The following MAD2L1 variants were observed in gnomAD, a reference collection of about 807,000 sequenced individuals.
MAD2L1 encodes the protein mitotic spindle assembly checkpoint protein MAD2A.
A neutral mutation model predicts 25.9 loss-of-function variants in MAD2L1; 10 were observed. That is an observed-to-expected ratio of 0.39 (90% CI 0.24 to 0.66). The LOEUF (loss-of-function observed/expected upper bound fraction) is 0.66, where lower values mean the gene tolerates loss of function less well. Among genes scored for constraint, MAD2L1 ranks in the 30% least tolerant of loss-of-function variants. The probability of loss-of-function intolerance (pLI) is 0.49; values close to 1 mark genes in which losing one functional copy is unlikely to be tolerated. For missense variants in MAD2L1, 180 were observed against 246.4 expected (o/e 0.73, Z 1.80); for synonymous variants, 81 against 91.8 (o/e 0.88, Z 0.67).
rs1002210171 is a variant in MAD2L1 at position 120,059,920 on chromosome 4, C to T, written c.*198G>A. 3 of 426,692 alleles carry T rather than the reference C, an allele frequency of 7.0e-6. No homozygotes were observed. The highest frequency in any genetic ancestry group is 7.6e-5 in the Admixed American group (2 of 26,236). 26.4% of individuals were successfully genotyped at this position (426,692 alleles called of 1,614,324 possible). A position where few individuals can be genotyped will look rare whatever the true frequency, so the allele number is the denominator to read the frequency against. ...CCTTTTGAACAATGTGCAATAAATTCATGATGTTAACTCCATGGTAAGTCA... is the reference window on the plus strand; with the variant it reads ...CCTTTTGAACAATGTGCAATAAATTTATGATGTTAACTCCATGGTAAGTCA... On this transcript the variant is annotated 3_prime_UTR_variant, in exon 5 of 5. Transcript: ENST00000296509.
intron 2 of MAD2L1, among the ~76,000 whole-genome samples, chr4:120,064,842 G>A (rs1726287348): frequency 6.6e-6 from 1 of 151,564 alleles, no homozygotes; most frequent in South Asian, 2.1e-4. Context: ...CGGTAAAAAA[G>A]ACACATTTCT....
intron 2 of MAD2L1, among the ~76,000 whole-genome samples, chr4:120,064,265 C>G (rs938896801): frequency 1.3e-5 from 2 of 152,124 alleles, no homozygotes; most frequent in Non-Finnish European, 2.9e-5. Flanking sequence ...TTATTCCTGA[C>G]CCCCAATTTT....
rs562259169 is a variant in MAD2L1, at chr4:120,058,603, T to G, written c.*1515A>C. ...TGAGCTGCGTCACTGTACTCCAGCC[T>G]GGGCGACAGAATAAGACTCCATCTT... On this transcript the variant is annotated 3_prime_UTR_variant, in exon 5 of 5. Coordinates refer to ENST00000296509, the MANE Select transcript of MAD2L1 (RefSeq NM_002358.4). 1.6e-5 allele frequency: 2 copies of G among 127,620 alleles called. No individual in the cohort carries two copies. The highest frequency in any genetic ancestry group is 3.5e-5 in the Non-Finnish European group (2 of 56,454). The allele number at this position is 127,620 out of a possible 1,614,324, so 7.9% of individuals were successfully genotyped here.
intron 2 of MAD2L1, among the ~76,000 whole-genome samples, chr4:120,064,156 G>T (rs1726274066): frequency 6.6e-6 from 1 of 152,188 alleles, no homozygotes; most frequent in South Asian, 2.1e-4. Context: ...GGCAATGCTT[G>T]CTTCTCCAGC....
intron 1 of MAD2L1, 52 bp downstream of exon 1, chr4:120,066,610 G>T: frequency 6.6e-7 from 1 of 1,518,782 alleles, no homozygotes; most frequent in Non-Finnish European, 9.1e-7. Flanking sequence ...TGGGCCTACT[G>T]AGCCGTCACG....
chr4:120,059,938 G>T lies in MAD2L1; in HGVS notation c.*180C>A. On this transcript the variant is annotated 3_prime_UTR_variant, in exon 5 of 5. Coordinates refer to ENST00000296509, the MANE Select transcript of MAD2L1 (RefSeq NM_002358.4). Reference sequence around the variant, plus strand: ...ATAAATTCATGATGTTAACTCCATGGTAAGTCAAATAGGTACCAAAAAAAT... The same window carrying T: ...ATAAATTCATGATGTTAACTCCATGTTAAGTCAAATAGGTACCAAAAAAAT... The T allele has an allele frequency of 2.1e-6, 1 of 479,386 alleles. No individual in the cohort carries two copies. Among genetic ancestry groups the T allele is most frequent in the Non-Finnish European group, 3.6e-6 (1 of 274,516 alleles). The allele number at this position is 479,386 out of a possible 1,614,324, so 29.7% of individuals were successfully genotyped here.
chr4:120,066,381 G>T (rs2110510047), intron 1 of MAD2L1, among the ~76,000 whole-genome samples: 1 of 152,242 alleles, frequency 6.6e-6, no homozygotes, highest in South Asian at 2.1e-4. Flanking sequence ...CGCATACACT[G>T]GGGCCCACCC....
rs1726300340 is a variant in MAD2L1, at chr4:120,065,541, T to C, written c.220+131A>G. The C allele has an allele frequency of 5.6e-6, 4 of 719,130 alleles. No homozygotes were observed. The South Asian group carries it at 6.8e-5, about 12-fold the overall frequency. 44.5% of individuals were successfully genotyped at this position (719,130 alleles called of 1,614,324 possible). A position where few individuals can be genotyped will look rare whatever the true frequency, so the allele number is the denominator to read the frequency against. On this transcript the variant is annotated intron_variant, in intron 2 of 4. Transcript: ENST00000296509. ...AAGAGTGTATTTCTTCCATTTTATA[T>C]ATTATTTTCTTCCTCTCAATTGAAA...
At chr4:120,062,268 T>G (rs1022423933) in intron 2 of MAD2L1, among the ~76,000 whole-genome samples, 173 bp from the exon 3 acceptor site, 3 of 152,210 alleles carry the variant, frequency 2.0e-5, no homozygotes, top group Admixed American at 6.5e-5. Context: ...TTTCAAATTC[T>G]CAGTATCTGT....
rs1726100457 is a variant in MAD2L1 at position 120,055,894 on chromosome 4, CAA to C, written c.*4222_*4223del. ...TATTTGGTTCCTCCCAATCATTGGT[CAA>C]AGTCATCTGACAACAGACTATCTGA... On this transcript the variant is annotated 3_prime_UTR_variant, in exon 5 of 5. Transcript: ENST00000296509. 6.6e-6 allele frequency: 1 copy of C among 152,150 alleles called. No individual in the cohort carries two copies. The highest frequency in any genetic ancestry group is 2.4e-5 in the African/African-American group (1 of 41,442). The allele number at this position is 152,150 out of a possible 1,614,324, so 9.4% of individuals were successfully genotyped here.
rs7661491 is a variant in MAD2L1, at chr4:120,057,819, A to G, written c.*2299T>C. The G allele has an allele frequency of 0.8, 121,105 of 152,192 alleles. 48,808 individuals are homozygous for G. The highest frequency in any genetic ancestry group is 0.92 in the African/African-American group (38,403 of 41,572). The allele number at this position is 152,192 out of a possible 1,614,324, so 9.4% of individuals were successfully genotyped here. Reference sequence around the variant, plus strand: ...TCCAGTATAGCTTCACCTCAATAAAACTCATAGTTTGGCTCCCACTCAGCT... The same window carrying G: ...TCCAGTATAGCTTCACCTCAATAAAGCTCATAGTTTGGCTCCCACTCAGCT... On this transcript the variant is annotated 3_prime_UTR_variant, in exon 5 of 5. Coordinates refer to ENST00000296509, the MANE Select transcript of MAD2L1 (RefSeq NM_002358.4).
At chr4:120,062,648 A>T (rs1726243108) in intron 2 of MAD2L1, among the ~76,000 whole-genome samples, 1 of 152,230 alleles carries the variant, frequency 6.6e-6, no homozygotes, top group Admixed American at 6.5e-5. Context: ...AATAAAACAA[A>T]GTAATCCTTG....
chr4:120,065,736 G>A lies in MAD2L1; in HGVS notation c.156C>T (p.Thr52=), dbSNP rs1292352214. The change falls in exon 2 of 5, where the codon ACC becomes ACT. Residue 52 remains threonine (T), a synonymous_variant. Coordinates refer to ENST00000296509, the MANE Select transcript of MAD2L1 (RefSeq NM_002358.4). The stretch of plus-strand genomic sequence containing the variant: ...GCTCAAGATCAGTAGTTACAAGCAA[G>A]GTGAGTCCGTATTTCTGCACTCGAG... ...TFTRVQKYGL[T]LLVTTDLELI... The A allele has an allele frequency of 1.2e-6, 2 of 1,613,776 alleles. No homozygotes were observed. Among genetic ancestry groups the A allele is most frequent in the Admixed American group, 3.3e-5 (2 of 60,022 alleles).
rs777660551 is a variant in MAD2L1 at position 120,057,136 on chromosome 4, A to G, written c.*2982T>C. On this transcript the variant is annotated 3_prime_UTR_variant, in exon 5 of 5. Coordinates refer to ENST00000296509, the MANE Select transcript of MAD2L1 (RefSeq NM_002358.4). ...CACACTCACGCTCATTCATTTATGT[A>G]TTGTCTATAGCTGCTTTCAGCCTCG... 1 of 152,168 alleles carries G rather than the reference A, an allele frequency of 6.6e-6. No homozygotes were observed. Among genetic ancestry groups the G allele is most frequent in the Non-Finnish European group, 1.5e-5 (1 of 68,030 alleles). 9.4% of individuals were successfully genotyped at this position (152,168 alleles called of 1,614,324 possible).
In MAD2L1 at chr4:120,056,272, T is replaced by C. The variant is rs1267530154; in HGVS notation, c.*3846A>G. The stretch of plus-strand genomic sequence containing the variant: ...CAAAAGCATGAGAATTAAATAAAAA[T>C]TCATGTGAAGTGACTAGTAAATAAT... On this transcript the variant is annotated 3_prime_UTR_variant, in exon 5 of 5. Transcript: ENST00000296509. 1 of 152,184 alleles carries C rather than the reference T, an allele frequency of 6.6e-6. No individual in the cohort carries two copies. Among genetic ancestry groups the C allele is most frequent in the Non-Finnish European group, 1.5e-5 (1 of 68,034 alleles). 9.4% of individuals were successfully genotyped at this position (152,184 alleles called of 1,614,324 possible).
rs1353309708 is a variant in MAD2L1, at chr4:120,057,321, TA to T, written c.*2796del. ...GGAGGAGTATACTTCCTGGTCCCATTAAAGTTAGGCTTGACCTTCACTTGCT... is the reference window on the plus strand; with the variant it reads ...GGAGGAGTATACTTCCTGGTCCCATTAAGTTAGGCTTGACCTTCACTTGCT... On this transcript the variant is annotated 3_prime_UTR_variant, in exon 5 of 5. Transcript: ENST00000296509. 11 of 152,206 alleles carry T rather than the reference TA, an allele frequency of 7.2e-5. No individual in the cohort carries two copies. The highest frequency in any genetic ancestry group is 2.7e-4 in the African/African-American group (11 of 41,450). 9.4% of individuals were successfully genotyped at this position (152,206 alleles called of 1,614,324 possible).
rs1239914434 is a variant in MAD2L1 at position 120,056,047 on chromosome 4, G to GA, written c.*4070dup. ...ATGTAAAGGGTAAGAGGAAAAAGGT[G>GA]ACGAAACACTCCTTTTGATATGCTT... On this transcript the variant is annotated 3_prime_UTR_variant, in exon 5 of 5. Transcript: ENST00000296509. The GA allele has an allele frequency of 1.3e-5, 2 of 152,230 alleles. No individual in the cohort carries two copies. The highest frequency in any genetic ancestry group is 1.3e-4 in the Admixed American group (2 of 15,284). The allele number at this position is 152,230 out of a possible 1,614,324, so 9.4% of individuals were successfully genotyped here.
chr4:120,060,856 A>C lies in MAD2L1; in HGVS notation c.445+18T>G. ...TTGCCAATCAATTTAATTCAACAAG[A>C]AGTTGTATAATACTTACAAGAAACT... is the stretch of plus-strand genomic sequence containing the variant. On this transcript the variant is annotated intron_variant, in intron 4 of 4. Transcript: ENST00000296509. 6.7e-7 allele frequency: 1 copy of C among 1,490,104 alleles called. No individual in the cohort carries two copies. The highest frequency in any genetic ancestry group is 9.3e-7 in the Non-Finnish European group (1 of 1,077,876). The allele number at this position is 1,490,104 out of a possible 1,614,324, so 92.3% of individuals were successfully genotyped here. A position where few individuals can be genotyped will look rare whatever the true frequency, so the allele number is the denominator to read the frequency against.
chr4:120,060,673 C>A (rs577192595), intron 4 of MAD2L1, among the ~76,000 whole-genome samples: 85 of 152,150 alleles, frequency 5.6e-4, no homozygotes, highest in Non-Finnish European at 8.4e-4. Context: ...TCATACTATC[C>A]ATGGTTTCAG....
Sources: allele counts gnomAD v4.1 joint callset (sites outside exome capture counted in the v4.1 genomes callset), GRCh38; gene constraint gnomAD v4.1.1; transcripts MANE v1.5; gene names NCBI Gene and HGNC (gene_info 2026-07-23, HGNC 2026-07-21).